NT5C3B: variants seen among roughly 807,000 people sequenced by gnomAD.
The protein encoded by NT5C3B is 5'-nucleotidase, cytosolic IIIB, also known as 7-methylguanosine phosphate-specific 5'-nucleotidase.
A neutral mutation model predicts 32.5 loss-of-function variants in NT5C3B; 28 were observed. The observed-to-expected ratio is 0.86, with a 90% CI of 0.64 to 1.18. The LOEUF (loss-of-function observed/expected upper bound fraction) is 1.18, where lower values mean the gene tolerates loss of function less well. NT5C3B is among the 50% of genes most tolerant of loss of function. The probability of loss-of-function intolerance (pLI) is 0.00; values close to 1 mark genes in which losing one functional copy is unlikely to be tolerated. For synonymous variants in NT5C3B, 138 were observed against 118.0 expected (o/e 1.17, Z -1.10); for missense variants, 317 against 322.0 (o/e 0.98, Z 0.12).
intron 4 of NT5C3B, 156 bp from the exon 5 acceptor site, chr17:41,832,633 T>G: frequency 2.0e-6 from 1 of 503,952 alleles, no homozygotes; most frequent in Non-Finnish European, 3.7e-6. Context: ...TTTAGGAGGC[T>G]GAGGCAGGTG....
In NT5C3B at chr17:41,825,805, GGGCCTACCCTTTGGAGACA is replaced by G; in HGVS notation, c.769-167_769-149del. The G allele has an allele frequency of 3.2e-5, 23 of 726,592 alleles. 1 individual carries two copies. The South Asian group carries it at 3.6e-4, about 11-fold the overall frequency. 45.0% of individuals were successfully genotyped at this position (726,592 alleles called of 1,614,324 possible). A position where few individuals can be genotyped will look rare whatever the true frequency, so the allele number is the denominator to read the frequency against. Reference sequence around the variant, plus strand: ...AGAGCCAAAGGAGTTCAAGGTTACCGGGCCTACCCTTTGGAGACAGACGAGGGATGGGCATGGGCTACCA... The same window carrying G: ...AGAGCCAAAGGAGTTCAAGGTTACCGGACGAGGGATGGGCATGGGCTACCA... On this transcript the variant is annotated intron_variant, in intron 8 of 8. Coordinates refer to ENST00000435506, the MANE Select transcript of NT5C3B (RefSeq NM_052935.5).
intron 2 of NT5C3B, chr17:41,835,547 G>C: frequency 1.4e-6 from 1 of 691,750 alleles, no homozygotes; most frequent in Non-Finnish European, 2.6e-6. Context: ...CCTCCTAAGA[G>C]ATCTCTACCA....
At position 41,835,243 on chromosome 17, in the gene NT5C3B, G is replaced by C; in HGVS notation, c.141C>G (p.Ser47Arg). 6.2e-7 allele frequency: 1 copy of C among 1,614,096 alleles called. No individual in the cohort carries two copies. The change falls in exon 3 of 9, where the codon AGC becomes AGG. Residue 47 changes from serine to arginine, a missense_variant. Coordinates refer to ENST00000435506, the MANE Select transcript of NT5C3B (RefSeq NM_052935.5). The part of the protein sequence containing the change: ...QVISDFDMTL[S>R]RFAYNGKRCP... The stretch of plus-strand genomic sequence containing the variant: ...ATCGCTTTCCATTATATGCAAACCT[G>C]CTCAAGGTCATGTCAAAATCAGAAA...
At chr17:41,832,305 A>G in intron 5 of NT5C3B, 87 bp downstream of exon 5, 2 of 1,091,220 alleles carry the variant, frequency 1.8e-6, no homozygotes, top group Non-Finnish European at 2.8e-6. Context: ...GGAGCCTGTC[A>G]TCTCATCAAG....
chr17:41,830,690 CT>C, intron 6 of NT5C3B, 110 bp downstream of exon 6: 1 of 760,530 alleles, frequency 1.3e-6, no homozygotes, highest in Non-Finnish European at 2.3e-6. Context: ...TGCCATGTCC[CT>C]TCCGGTCCTT....
chr17:41,830,965 C>G, intron 5 of NT5C3B, 75 bp from the exon 6 acceptor site: 1 of 935,320 alleles, frequency 1.1e-6, no homozygotes, highest in Non-Finnish European at 1.7e-6. Flanking sequence ...CTTTACAGAG[C>G]CAAGTACCCT....
At chr17:41,832,942 G>A (rs2048076894) in intron 4 of NT5C3B, among the ~76,000 whole-genome samples, 1 of 152,126 alleles carries the variant, frequency 6.6e-6, no homozygotes, top group Non-Finnish European at 1.5e-5. Flanking sequence ...TTCCTTTGGG[G>A]ACATGTCATT....
intron 2 of NT5C3B, chr17:41,835,509 A>G: frequency 1.5e-6 from 1 of 672,528 alleles, no homozygotes; most frequent in Non-Finnish European, 2.7e-6. Context: ...AATACTCAGG[A>G]CCCCTCTGAC....
chr17:41,832,028 C>G (rs1555619125), intron 5 of NT5C3B, among the ~76,000 whole-genome samples: 5 of 152,156 alleles, frequency 3.3e-5, no homozygotes. Flanking sequence ...TGGACTCCAG[C>G]CTGGGCAACA....
rs1273209648 is a variant in NT5C3B, at chr17:41,825,673, G to A, written c.769-16C>T. 8.0e-6 allele frequency: 7 copies of A among 872,510 alleles called. No individual in the cohort carries two copies. In the Admixed American group the frequency reaches 8.5e-5, roughly 11 times the overall value. 54.0% of individuals were successfully genotyped at this position (872,510 alleles called of 1,614,324 possible). A position where few individuals can be genotyped will look rare whatever the true frequency, so the allele number is the denominator to read the frequency against. ...GCTCCTCCACCTGCCCGGAATGAGA[G>A]GCAGAAGCCAGAGGGTCCCCAAATG... On this transcript the variant is annotated splice_polypyrimidine_tract_variant and intron_variant, in intron 8 of 8. Transcript: ENST00000435506.
chr17:41,832,913 A>C (rs2048076670), intron 4 of NT5C3B, among the ~76,000 whole-genome samples: 1 of 152,322 alleles, frequency 6.6e-6, no homozygotes. Context: ...AGAGTGTTAC[A>C]TGAAATTTTC....
chr17:41,825,735 G>A (rs2047950306), intron 8 of NT5C3B, 78 bp from the exon 9 acceptor site: 1 of 848,092 alleles, frequency 1.2e-6, no homozygotes, highest in African/African-American at 1.6e-5. Flanking sequence ...AGCCCCTGGG[G>A]CTGGGGAGGA....
chr17:41,829,478 G>A (rs1456868309), intron 6 of NT5C3B, among the ~76,000 whole-genome samples: 1 of 152,206 alleles, frequency 6.6e-6, no homozygotes, highest in African/African-American at 2.4e-5. Flanking sequence ...TAACTAACTA[G>A]CTTGAGGCTC....
chr17:41,830,978 G>A, intron 5 of NT5C3B, 88 bp from the exon 6 acceptor site: 1 of 854,632 alleles, frequency 1.2e-6, no homozygotes, highest in Admixed American at 2.1e-5. Flanking sequence ...AGTACCCTCT[G>A]ACAGCATTGC....
Position 41,836,213 on chromosome 17 carries a change from G to A in NT5C3B, c.-20C>T. The A allele has an allele frequency of 8.1e-7, 1 of 1,240,606 alleles. No homozygotes were observed. Among genetic ancestry groups the A allele is most frequent in the Non-Finnish European group, 1.0e-6 (1 of 994,230 alleles). The allele number at this position is 1,240,606 out of a possible 1,614,324, so 76.8% of individuals were successfully genotyped here. On this transcript the variant is annotated 5_prime_UTR_variant, in exon 1 of 9. Coordinates refer to ENST00000435506, the MANE Select transcript of NT5C3B (RefSeq NM_052935.5). ...TGCCATCCCGTTCGAGGCCTGGTCG[G>A]CGGCTCGCGGGACAACGACAGCCCC... is the stretch of plus-strand genomic sequence containing the variant.
intron 4 of NT5C3B, chr17:41,832,813 A>C (rs2048074806): frequency 5.1e-6 from 1 of 197,032 alleles, no homozygotes; most frequent in Admixed American, 5.4e-5. Flanking sequence ...GGTTGCAGTG[A>C]GCCAAGACGA....
rs138262483 is a variant in NT5C3B at position 41,835,947 on chromosome 17, A to G, written c.23T>C (p.Leu8Pro). Residue 8 changes from leucine (L) to proline (P), a missense_variant, in exon 2 of 9, where the codon CTG (leucine) becomes CCG (proline). Transcript: ENST00000435506. ...CCGCATCAGGACCGTGGCCTTCATC[A>G]GGGTGCTCACCTGTCCCGAGACCCG... MAEEVST[L>P]MKATVLMRQP... 3.2e-4 allele frequency: 510 copies of G among 1,592,072 alleles called. 2 individuals carry two copies. The African/African-American group carries it at 6.4e-3, about 20-fold the overall frequency.
intron 8 of NT5C3B, among the ~76,000 whole-genome samples, 196 bp downstream of exon 8, chr17:41,827,230 C>A (rs946632376): frequency 6.6e-6 from 1 of 151,330 alleles, no homozygotes; most frequent in Non-Finnish European, 1.5e-5. Context: ...ACCCAGGAGG[C>A]GGAGCTTGCA....
At chr17:41,830,390 C>T (rs980081835) in intron 6 of NT5C3B, among the ~76,000 whole-genome samples, 2 of 152,164 alleles carry the variant, frequency 1.3e-5, no homozygotes, top group Non-Finnish European at 2.9e-5. Flanking sequence ...CACCTGTAAT[C>T]CCAGCTTACT....
Sources: gnomAD v4.1 joint callset for allele counts (sites outside exome capture counted in the v4.1 genomes callset) on GRCh38, gnomAD v4.1.1 for gene constraint, MANE v1.5 for transcripts, NCBI Gene and HGNC (gene_info 2026-07-23, HGNC 2026-07-21) for gene names.